Variants in TTC28 observed in about 807,000 individuals in gnomAD.
TTC28 encodes the protein tetratricopeptide repeat domain 28.
In TTC28, 61 loss-of-function variants were observed where a neutral mutation model predicts 198.0. The ratio of observed to expected loss-of-function variants is 0.31; its 90% CI spans 0.25 to 0.38. The LOEUF is 0.38. Among genes scored for constraint, TTC28 ranks in the 10% least tolerant of loss-of-function variants. The pLI, the probability that TTC28 is intolerant of heterozygous loss-of-function variation, is 1.00. For missense variants in TTC28, 2,678 were observed against 3,164.0 expected (o/e 0.85, Z 3.69); for synonymous variants, 1,171 against 1,297.8 (o/e 0.90, Z 2.10).
rs1348464280 is a variant in TTC28 at position 28,472,546 on chromosome 22, ATGTGTATG to A, written c.381+156998_381+157005del. 6.0e-3 allele frequency among the ~76,000 whole-genome samples: 533 copies of A among 88,918 alleles called. 2 individuals carry two copies. The highest frequency in any genetic ancestry group is 0.015 in the South Asian group (37 of 2,492). The allele number at this position is 88,918 out of a possible 152,430, so 58.3% of individuals were successfully genotyped here. Reference sequence around the variant, plus strand: ...TAGATTAATTTTTGACAAAAAGAAAATGTGTATGTGTGTGTGTGTGTGTGTGTGTGTGT... The same window carrying A: ...TAGATTAATTTTTGACAAAAAGAAAATGTGTGTGTGTGTGTGTGTGTGTGT... On this transcript the variant is annotated intron_variant, in intron 2 of 22. Coordinates refer to ENST00000397906, the MANE Select transcript of TTC28 (RefSeq NM_001145418.2).
chr22:28,031,278 G>A (rs1404727326), intron 12 of TTC28, among the ~76,000 whole-genome samples: 1 of 152,142 alleles, frequency 6.6e-6, no homozygotes, highest in Non-Finnish European at 1.5e-5. Context: ...GCTCACAAAG[G>A]CACATCTCTA....
chr22:28,597,086 C>T (rs1251498698), intron 2 of TTC28, among the ~76,000 whole-genome samples: 1 of 151,988 alleles, frequency 6.6e-6, no homozygotes, highest in Non-Finnish European at 1.5e-5. Context: ...AATAATCACT[C>T]CAGAGAAAAT....
intron 2 of TTC28, among the ~76,000 whole-genome samples, chr22:28,430,121 T>C (rs1269128137): frequency 6.7e-6 from 1 of 149,668 alleles, no homozygotes; most frequent in Non-Finnish European, 1.5e-5. Context: ...TAATTTCAGA[T>C]GTAGTGAAAA....
chr22:28,502,444 T>C (rs1041732285), intron 2 of TTC28, among the ~76,000 whole-genome samples: 2 of 150,626 alleles, frequency 1.3e-5, no homozygotes, highest in Non-Finnish European at 2.9e-5. Context: ...ATCGAGACCA[T>C]CCTGGCTAAC....
chr22:28,132,576 TG>T (rs1452880864), intron 6 of TTC28, among the ~76,000 whole-genome samples: 1 of 152,224 alleles, frequency 6.6e-6, no homozygotes, highest in Non-Finnish European at 1.5e-5. Flanking sequence ...CAACATTCCA[TG>T]GTTCTAAGAT....
intron 1 of TTC28, among the ~76,000 whole-genome samples, chr22:28,630,794 A>C (rs990117125): frequency 6.6e-6 from 1 of 152,220 alleles, no homozygotes; most frequent in African/African-American, 2.4e-5. Context: ...TGTATGTTTA[A>C]TAGTTACATA....
intron 2 of TTC28, among the ~76,000 whole-genome samples, chr22:28,541,917 TA>T (rs201103861): frequency 1.3e-5 from 2 of 150,388 alleles, no homozygotes; most frequent in Non-Finnish European, 1.5e-5. Flanking sequence ...CCCCATGTCT[TA>T]AAAAAAAAGG....
intron 2 of TTC28, among the ~76,000 whole-genome samples, chr22:28,494,276 T>C (rs34929472): frequency 0.049 from 7,503 of 152,270 alleles, 265 homozygotes; most frequent in African/African-American, 0.097. Context: ...AAGGATCATC[T>C]GACATTTGAG....
At chr22:27,992,093 C>A (rs1185054729) in intron 19 of TTC28, among the ~76,000 whole-genome samples, 2 of 151,928 alleles carry the variant, frequency 1.3e-5, no homozygotes, top group African/African-American at 4.8e-5. Context: ...GTGAGGAGGA[C>A]AAGGTTCAGG....
At chr22:28,084,895 G>A (rs141322512) in intron 12 of TTC28, among the ~76,000 whole-genome samples, 2,116 of 152,190 alleles carry the variant, frequency 0.014, 68 homozygotes, top group African/African-American at 0.049. Context: ...GCGATCAACT[G>A]GAAGAAAGGG....
At chr22:28,208,805 T>C (rs1340631430) in intron 5 of TTC28, among the ~76,000 whole-genome samples, 8 of 152,124 alleles carry the variant, frequency 5.3e-5, no homozygotes, top group South Asian at 2.1e-4. Flanking sequence ...CGAGAAATGA[T>C]AGATCTGAAA....
At chr22:28,319,719 C>A (rs986791636) in intron 2 of TTC28, among the ~76,000 whole-genome samples, 3 of 152,114 alleles carry the variant, frequency 2.0e-5, no homozygotes, top group Non-Finnish European at 4.4e-5. Context: ...GTCACATTAG[C>A]GTATTGCTTT....
At position 27,993,437 on chromosome 22, in the gene TTC28, C is replaced by G. The variant is rs1212682439; in HGVS notation, c.5326G>C (p.Gly1776Arg). The G allele has an allele frequency of 6.4e-7, 1 of 1,551,520 alleles. No homozygotes were observed. The highest frequency in any genetic ancestry group is 1.4e-5 in the African/African-American group (1 of 73,058). Residue 1776 changes from glycine to arginine, a missense_variant, in exon 18 of 23, where the codon GGC becomes CGC. Gly to Arg is a moderately radical substitution (Grantham distance 125, BLOSUM62 -2). Around this residue, in one of 8 missense-constraint regions of TTC28, gnomAD observed 314 missense variants for 442.7 expected, o/e 0.71. Transcript: ENST00000397906. ...TSQQSVENKV[G>R]GIPGWQALLT... ...AGGGCCTGCCAGCCAGGGATGCCGC[C>G]CACTTTGTTCTCCACACTCTGCTGG...
chr22:28,152,878 A>T (rs749531332), intron 6 of TTC28, among the ~76,000 whole-genome samples: 8 of 152,324 alleles, frequency 5.3e-5, no homozygotes, highest in South Asian at 2.1e-4. Flanking sequence ...TGTAAAAAAC[A>T]TTAAAGAGAG....
At position 27,979,557 on chromosome 22, in the gene TTC28, T is replaced by TC. The variant is rs1275352212; in HGVS notation, c.*2663_*2664insG. On this transcript the variant is annotated 3_prime_UTR_variant, in exon 23 of 23. Coordinates refer to ENST00000397906, the MANE Select transcript of TTC28 (RefSeq NM_001145418.2). ...GGCAAAATCAAAAATATGATGTAAT[T>TC]ACTTATATAACCCTTTAAAAAGGTA... is the stretch of plus-strand genomic sequence containing the variant. The TC allele has an allele frequency of 1.3e-5, 2 of 151,904 alleles. No homozygotes were observed. Among genetic ancestry groups the TC allele is most frequent in the Non-Finnish European group, 2.9e-5 (2 of 68,008 alleles). 9.4% of individuals were successfully genotyped at this position (151,904 alleles called of 1,614,324 possible). A position where few individuals can be genotyped will look rare whatever the true frequency, so the allele number is the denominator to read the frequency against.
intron 12 of TTC28, among the ~76,000 whole-genome samples, chr22:28,084,841 G>A (rs1405554998): frequency 6.6e-6 from 1 of 152,088 alleles, no homozygotes; most frequent in Admixed American, 6.6e-5. Flanking sequence ...TGAAAACCAT[G>A]GCATGAGAAC....
chr22:28,622,299 T>C (rs1160460621), intron 2 of TTC28, among the ~76,000 whole-genome samples: 2 of 152,216 alleles, frequency 1.3e-5, no homozygotes, highest in Non-Finnish European at 2.9e-5. Context: ...AAATTCTGTC[T>C]ACTCACATCT....
intron 2 of TTC28, among the ~76,000 whole-genome samples, chr22:28,342,314 A>G (rs1408793696): frequency 6.6e-6 from 1 of 152,226 alleles, no homozygotes; most frequent in African/African-American, 2.4e-5. Context: ...AAACATATCT[A>G]TCAACTGAAA....
At chr22:28,071,842 A>G (rs975910435) in intron 12 of TTC28, among the ~76,000 whole-genome samples, 1 of 152,110 alleles carries the variant, frequency 6.6e-6, no homozygotes, top group Non-Finnish European at 1.5e-5. Context: ...CCTTAAATCA[A>G]TTCTGTCTCT....
Sources: gnomAD v4.1 joint callset for allele counts (sites outside exome capture counted in the v4.1 genomes callset) on GRCh38, gnomAD v4.1.1 for gene constraint, gnomAD v4.1.1 regional missense constraint, MANE v1.5 for transcripts, NCBI Gene and HGNC (gene_info 2026-07-23, HGNC 2026-07-21) for gene names.